Variants in PCNX2 observed in about 807,000 individuals in gnomAD.
The protein encoded by PCNX2 is pecanex-like protein 2.
A neutral mutation model predicts 223.8 loss-of-function variants in PCNX2; 168 were observed. The ratio of observed to expected loss-of-function variants is 0.75; its 90% confidence interval spans 0.66 to 0.85. The LOEUF is 0.85. Among genes scored for constraint, PCNX2 ranks in the 40% least tolerant of loss-of-function variants. PCNX2 has a pLI of 0.00. For missense variants in PCNX2, 2,507 were observed against 2,675.5 expected, an observed-to-expected ratio of 0.94 and a Z score of 1.39; for synonymous variants, 1,006 against 1,052.6, an observed-to-expected ratio of 0.96 and a Z score of 0.86.
chr1:233,106,771 A>G (rs1239153378), intron 21 of PCNX2, among the ~76,000 whole-genome samples: 3 of 152,156 alleles, frequency 2.0e-5, no homozygotes, highest in Non-Finnish European at 2.9e-5. Flanking sequence ...AGCAAGATAA[A>G]CAATGTTAAT....
At chr1:233,266,297 CA>C (rs1188801631) in intron 1 of PCNX2, among the ~76,000 whole-genome samples, 5 of 152,228 alleles carry the variant, frequency 3.3e-5, no homozygotes, top group African/African-American at 9.6e-5. Context: ...CTCTTGAGCC[CA>C]GGAGTTCAAG....
chr1:233,237,114 G>C (rs1658471086), intron 8 of PCNX2, 134 bp from the exon 9 acceptor site: 1 of 1,130,800 alleles, frequency 8.8e-7, no homozygotes, highest in Non-Finnish European at 1.2e-6. Flanking sequence ...TACATAAACA[G>C]TTAAGAGTTT....
intron 19 of PCNX2, among the ~76,000 whole-genome samples, chr1:233,142,400 A>T (rs1487998142): frequency 1.3e-5 from 2 of 152,188 alleles, no homozygotes. Flanking sequence ...TTATACTCAT[A>T]TCTACTACTG....
chr1:233,168,586 G>A (rs889977453), intron 17 of PCNX2, among the ~76,000 whole-genome samples: 2 of 151,948 alleles, frequency 1.3e-5, no homozygotes, highest in East Asian at 1.9e-4. Flanking sequence ...GAAATTGAAC[G>A]ACTCATAGTG....
chr1:233,030,588 A>G (rs538689415), intron 25 of PCNX2, among the ~76,000 whole-genome samples: 1 of 152,290 alleles, frequency 6.6e-6, no homozygotes, highest in South Asian at 2.1e-4. Context: ...TCAGGTTGTC[A>G]GCTTGATCCT....
chr1:233,165,200 A>C (rs1010945475), intron 17 of PCNX2, among the ~76,000 whole-genome samples: 1 of 152,246 alleles, frequency 6.6e-6, no homozygotes, highest in Non-Finnish European at 1.5e-5. Context: ...GCTGTTTTCA[A>C]AGTAGTTGTA....
intron 12 of PCNX2, among the ~76,000 whole-genome samples, chr1:233,209,445 G>T (rs1291469151): frequency 6.6e-6 from 1 of 152,120 alleles, no homozygotes; most frequent in Non-Finnish European, 1.5e-5. Context: ...ATAAATCAAT[G>T]CACAATTTAT....
chr1:233,036,553 C>A (rs990333938), intron 25 of PCNX2, among the ~76,000 whole-genome samples: 3 of 151,726 alleles, frequency 2.0e-5, no homozygotes, highest in Admixed American at 6.6e-5. Context: ...TCGCTTGAAC[C>A]CAGGAGGCAG....
intron 21 of PCNX2, among the ~76,000 whole-genome samples, chr1:233,115,293 C>A (rs1043073514): frequency 5.3e-5 from 8 of 152,084 alleles, no homozygotes; most frequent in Non-Finnish European, 1.2e-4. Context: ...TCCCCCTACC[C>A]CACACCTTAC....
intron 21 of PCNX2, among the ~76,000 whole-genome samples, chr1:233,097,308 AAAT>A (rs1299394970): frequency 2.6e-5 from 4 of 151,896 alleles, no homozygotes; most frequent in Non-Finnish European, 5.9e-5. Flanking sequence ...GGAAAGAAAA[AAAT>A]AGGGGAAACA....
chr1:233,281,205 T>C (rs753362356), intron 1 of PCNX2, among the ~76,000 whole-genome samples: 12 of 152,242 alleles, frequency 7.9e-5, no homozygotes, highest in Non-Finnish European at 1.5e-4. Context: ...ACATTTCTTA[T>C]ATTCAGGAAT....
intron 1 of PCNX2, among the ~76,000 whole-genome samples, chr1:233,268,830 G>A (rs1660482508): frequency 6.6e-6 from 1 of 152,164 alleles, no homozygotes; most frequent in Non-Finnish European, 1.5e-5. Context: ...AGTGACTTCT[G>A]ATGAGTGATT....
intron 28 of PCNX2, among the ~76,000 whole-genome samples, chr1:233,012,240 A>T: frequency 6.6e-6 from 1 of 152,294 alleles, no homozygotes; most frequent in South Asian, 2.1e-4. Flanking sequence ...TTTCAAGTCA[A>T]ACTATTTATG....
At chr1:233,261,263 A>C (rs750312516) in intron 4 of PCNX2, 22 bp downstream of exon 4, 15 of 1,591,132 alleles carry the variant, frequency 9.4e-6, no homozygotes, top group African/African-American at 8.0e-5. Flanking sequence ...CTGTGATAAA[A>C]TATAAATGAT....
At chr1:233,039,683 T>TA (rs1304617138) in intron 25 of PCNX2, among the ~76,000 whole-genome samples, 2 of 152,114 alleles carry the variant, frequency 1.3e-5, no homozygotes, top group Non-Finnish European at 2.9e-5. Flanking sequence ...TCTGCAGTAA[T>TA]AAAAAAACCT....
chr1:233,166,231 T>C (rs1678789280), intron 17 of PCNX2, among the ~76,000 whole-genome samples: 1 of 152,008 alleles, frequency 6.6e-6, no homozygotes, highest in African/African-American at 2.4e-5. Context: ...AAAAACATCT[T>C]GATACTTTGC....
At chr1:233,003,252 T>C (rs1670156310) in intron 28 of PCNX2, among the ~76,000 whole-genome samples, 1 of 152,192 alleles carries the variant, frequency 6.6e-6, no homozygotes, top group South Asian at 2.1e-4. Context: ...TTGCAATCTG[T>C]CTATCTGACA....
At chr1:233,019,554 A>G (rs958793322) in intron 26 of PCNX2, among the ~76,000 whole-genome samples, 8 of 152,150 alleles carry the variant, frequency 5.3e-5, no homozygotes, top group Non-Finnish European at 1.0e-4. Context: ...AACTCAGCAC[A>G]TGGCCTGGCC....
At chr1:233,228,604 T>C (rs1017012742) in intron 9 of PCNX2, among the ~76,000 whole-genome samples, 4 of 152,218 alleles carry the variant, frequency 2.6e-5, no homozygotes, top group African/African-American at 7.2e-5. Context: ...CATAGTGTCC[T>C]CAAGCTTCAT....
Sources: gnomAD v4.1 joint callset for allele counts (sites outside exome capture counted in the v4.1 genomes callset) on GRCh38, gnomAD v4.1.1 for gene constraint, MANE v1.5 for transcripts, NCBI Gene and HGNC (gene_info 2026-07-23, HGNC 2026-07-21) for gene names.